PAH: variants seen among roughly 807,000 people sequenced by gnomAD.
PAH encodes phenylalanine-4-hydroxylase.
A neutral mutation model predicts 62.0 loss-of-function variants in PAH; 64 were observed. The observed-to-expected ratio is 1.03, with a 90% CI of 0.84 to 1.27. The LOEUF (loss-of-function observed/expected upper bound fraction) is 1.27. Ranked by LOEUF, PAH falls within the 50% of genes most tolerant of loss-of-function variation. The pLI is 0.00. For missense variants in PAH, 579 were observed against 542.8 expected (o/e 1.07, Z -0.66); for synonymous variants, 195 against 196.2 (o/e 0.99, Z 0.05).
chr12:102,941,141 A>G (rs1879271907), intron 1 of PAH, among the ~76,000 whole-genome samples: 1 of 152,210 alleles, frequency 6.6e-6, no homozygotes, highest in Non-Finnish European at 1.5e-5. Flanking sequence ...TTCATTACCA[A>G]CAAACCTGCC....
At position 102,957,050 on chromosome 12, in the gene PAH, C is replaced by T. The variant is rs938930447; in HGVS notation, c.-96+1145G>A. On this transcript the variant is annotated intron_variant, in intron 1 of 4. Coordinates refer to the PAH transcript ENST00000551337. This position sits in a 1 kb window ranked among gnomAD's most constrained non-coding sequence, Gnocchi z 4.1. The stretch of plus-strand genomic sequence containing the variant: ...CAGCACTTTTTTTCACTGTTCTGGA[C>T]GGAGTCCCTCCCCCAACCATGTTTC... 1.3e-5 allele frequency among the ~76,000 whole-genome samples: 2 copies of T among 152,110 alleles called. No homozygotes were observed. Among genetic ancestry groups the T allele is most frequent in the East Asian group, 1.9e-4 (1 of 5,190 alleles).
At chr12:102,853,364 G>T (rs968936443) in intron 6 of PAH, 1 of 321,772 alleles carries the variant, frequency 3.1e-6, no homozygotes, top group African/African-American at 2.2e-5. Flanking sequence ...TTTCCCAGAA[G>T]GGAAGAGTAT....
intron 4 of PAH, among the ~76,000 whole-genome samples, chr12:102,874,872 A>G (rs1876498428): frequency 6.6e-6 from 1 of 152,086 alleles, no homozygotes; most frequent in Admixed American, 6.6e-5. Context: ...CTGATGAGAG[A>G]TATTGGGTCA....
intron 3 of PAH, among the ~76,000 whole-genome samples, chr12:102,891,956 T>G (rs1382770307): frequency 6.6e-6 from 1 of 152,240 alleles, no homozygotes; most frequent in Non-Finnish European, 1.5e-5. Context: ...CCAAAGGGTC[T>G]GCAGCTCCTG....
At chr12:102,939,051 C>A (rs1343278686) in intron 1 of PAH, among the ~76,000 whole-genome samples, 1 of 152,042 alleles carries the variant, frequency 6.6e-6, no homozygotes, top group East Asian at 1.9e-4. Context: ...ATCCAACATG[C>A]CTCAGCCACC....
At chr12:102,850,365 C>T (rs1195682906) in intron 8 of PAH, among the ~76,000 whole-genome samples, 2 of 152,204 alleles carry the variant, frequency 1.3e-5, no homozygotes, top group Non-Finnish European at 2.9e-5. Context: ...ACTTAGCAAG[C>T]AATAAATTCC....
Position 102,852,841 on chromosome 12 carries a change from T to C in PAH, c.816A>G (p.Gly272=). 2 of 1,613,940 alleles carry C rather than the reference T, an allele frequency of 1.2e-6. No homozygotes were observed. Among genetic ancestry groups the C allele is most frequent in the East Asian group, 4.5e-5 (2 of 44,880 alleles). The stretch of plus-strand genomic sequence containing the variant: ...GTTCGGGGGTATACATGGGCTTGGA[T>C]CCATGTCTGATGTACTGTGTGCAGT... ...VFHCTQYIRH[G]SKPMYTPEPD... Residue 272 remains glycine, a synonymous_variant, in exon 7 of 13, where the codon GGA becomes GGG. Coordinates refer to ENST00000553106, the MANE Select transcript of PAH (RefSeq NM_000277.3).
At chr12:102,846,526 C>G (rs1234406229) in intron 9 of PAH, among the ~76,000 whole-genome samples, 1 of 152,170 alleles carries the variant, frequency 6.6e-6, no homozygotes, top group African/African-American at 2.4e-5. Context: ...AAGAAAAGAT[C>G]CTAATGTATG....
At chr12:102,916,752 G>A (rs946913359) in intron 1 of PAH, among the ~76,000 whole-genome samples, 2 of 152,170 alleles carry the variant, frequency 1.3e-5, no homozygotes, top group Non-Finnish European at 2.9e-5. Flanking sequence ...GTACAGAAGA[G>A]TAAACAGACA....
intron 2 of PAH, among the ~76,000 whole-genome samples, chr12:102,908,743 T>C (rs767785956): frequency 2.1e-4 from 32 of 152,084 alleles, no homozygotes; most frequent in Non-Finnish European, 3.8e-4. Flanking sequence ...CGAAAGACCA[T>C]ACTTTATTCA....
rs1592949647 is a variant in PAH at position 102,847,334 on chromosome 12, A to G, written c.913-383T>C. The G allele has an allele frequency of 1.0e-5, 3 of 285,816 alleles. No homozygotes were observed. The South Asian group carries it at 1.3e-4, about 12-fold the overall frequency. 17.7% of individuals were successfully genotyped at this position (285,816 alleles called of 1,614,324 possible). A position where few individuals can be genotyped will look rare whatever the true frequency, so the allele number is the denominator to read the frequency against. ...ATGAGTCTTAATCATGTACCCTGGA[A>G]ACATCACAGGAGAACTGCAGATAAG... On this transcript the variant is annotated intron_variant, in intron 8 of 12. Coordinates refer to ENST00000553106, the MANE Select transcript of PAH (RefSeq NM_000277.3).
At chr12:102,839,542 T>C (rs1293440536) in intron 12 of PAH, among the ~76,000 whole-genome samples, 1 of 152,262 alleles carries the variant, frequency 6.6e-6, no homozygotes, top group Non-Finnish European at 1.5e-5. Context: ...AGCGAAATCA[T>C]TGAACCTAAT....
intron 4 of PAH, among the ~76,000 whole-genome samples, chr12:102,871,357 C>A (rs1000818662): frequency 2.6e-5 from 4 of 152,208 alleles, no homozygotes; most frequent in Admixed American, 6.5e-5. Flanking sequence ...ACACACCATG[C>A]TCTTTCCCAC....
At chr12:102,941,565 G>T (rs1879288915) in intron 1 of PAH, among the ~76,000 whole-genome samples, 1 of 151,994 alleles carries the variant, frequency 6.6e-6, no homozygotes, top group African/African-American at 2.4e-5. Context: ...ATGAAGTAGA[G>T]GATCACATAA....
At chr12:102,871,949 A>AAATAT (rs1876359198) in intron 4 of PAH, among the ~76,000 whole-genome samples, 4 of 30,328 alleles carry the variant, frequency 1.3e-4, no homozygotes, top group African/African-American at 6.4e-4. Flanking sequence ...AAAAAAAAAA[A>AAATAT]ATATATATAT....
At chr12:102,857,982 C>T (rs963157470) in intron 5 of PAH, among the ~76,000 whole-genome samples, 8 of 152,106 alleles carry the variant, frequency 5.3e-5, no homozygotes, top group Non-Finnish European at 1.0e-4. Flanking sequence ...CAATATTAAC[C>T]TTAAATGTAA....
chr12:102,898,720 A>T (rs1877613088), intron 2 of PAH, among the ~76,000 whole-genome samples: 1 of 152,238 alleles, frequency 6.6e-6, no homozygotes, highest in Non-Finnish European at 1.5e-5. Context: ...GGCCGCAAGT[A>T]GCTAGAGAGC....
rs1565854726 is a variant in PAH at position 102,868,061 on chromosome 12, CACAT to C, written c.442-1402_442-1399del. Reference sequence around the variant, plus strand: ...ACACCTATATATATGTATATATATACACATATATATACATATATGTGTGTGTGTA... The same window carrying C: ...ACACCTATATATATGTATATATATACATATATACATATATGTGTGTGTGTA... On this transcript the variant is annotated intron_variant, in intron 4 of 12. Transcript: ENST00000553106. Among the ~76,000 whole-genome samples, 101 of 112,224 alleles carry C rather than the reference CACAT, an allele frequency of 9.0e-4. 11 individuals carry two copies. Among genetic ancestry groups the C allele is most frequent in the South Asian group, 4.2e-3 (15 of 3,536 alleles). The allele number at this position is 112,224 out of a possible 152,430, so 73.6% of individuals were successfully genotyped here.
intron 2 of PAH, among the ~76,000 whole-genome samples, chr12:102,908,516 C>T (rs35855475): frequency 0.13 from 19,863 of 152,130 alleles, 1,576 homozygotes; most frequent in Admixed American, 0.23. Flanking sequence ...ACCCATTGCT[C>T]GCTTGCTCTC....
Sources: allele counts gnomAD v4.1 joint callset (sites outside exome capture counted in the v4.1 genomes callset), GRCh38; gene constraint gnomAD v4.1.1; non-coding constraint Gnocchi (gnomAD v3.1); transcripts MANE v1.5; gene names NCBI Gene and HGNC (gene_info 2026-07-23, HGNC 2026-07-21).